SLIT3: variants seen among roughly 807,000 people sequenced by gnomAD.
SLIT3 encodes slit guidance ligand 3, also known as slit homolog 3 protein.
SLIT3 carries 68 observed loss-of-function variants against 184.0 expected under a neutral mutation model. That is an observed-to-expected ratio of 0.37 (90% confidence interval 0.30 to 0.45). SLIT3 has a LOEUF of 0.45. Ranked by LOEUF, SLIT3 falls within the 20% of genes least tolerant of loss-of-function variation. SLIT3 has a pLI of 1.00. For missense variants in SLIT3, 1,707 were observed against 2,026.0 expected, an observed-to-expected ratio of 0.84 and a Z score of 3.02; for synonymous variants, 831 against 828.6, an observed-to-expected ratio of 1.00 and a Z score of -0.05.
intron 1 of SLIT3, among the ~76,000 whole-genome samples, chr5:169,260,349 C>CCGAA (rs1766120321): frequency 6.6e-6 from 1 of 152,110 alleles, no homozygotes; most frequent in Non-Finnish European, 1.5e-5. Flanking sequence ...CGCTTTCCAC[C>CCGAA]TGAATGGGCC....
intron 4 of SLIT3, among the ~76,000 whole-genome samples, chr5:169,130,161 G>A (rs1474858554): frequency 6.6e-6 from 1 of 152,062 alleles, no homozygotes; most frequent in Non-Finnish European, 1.5e-5. Flanking sequence ...TCTTAGTTTT[G>A]ACAAATGTAC....
chr5:168,714,386 T>C (rs1400663333), intron 23 of SLIT3, among the ~76,000 whole-genome samples: 4 of 152,176 alleles, frequency 2.6e-5, no homozygotes, highest in Non-Finnish European at 1.5e-5. Flanking sequence ...AGCTTTAGCA[T>C]TGTGACACCT....
intron 4 of SLIT3, among the ~76,000 whole-genome samples, chr5:168,943,152 G>T (rs1762375801): frequency 6.6e-6 from 1 of 152,108 alleles, no homozygotes; most frequent in African/African-American, 2.4e-5. Flanking sequence ...AGGAGCTGGG[G>T]CACTTATTCT....
chr5:168,861,388 G>A (rs1490743778), intron 5 of SLIT3, among the ~76,000 whole-genome samples: 21 of 150,178 alleles, frequency 1.4e-4, no homozygotes, highest in East Asian at 4.0e-4. Context: ...ATGCGTGTCC[G>A]TCCCCAACCC....
chr5:169,001,948 G>A (rs1156425372), intron 4 of SLIT3, among the ~76,000 whole-genome samples: 3 of 151,934 alleles, frequency 2.0e-5, no homozygotes, highest in Middle Eastern at 3.2e-3. Flanking sequence ...GCAAACGGTA[G>A]GTTTTTAGAG....
rs1021241657 is a variant in SLIT3 at position 168,935,741 on chromosome 5, C to T, written c.414-52405G>A. ...AATGAGCAGGAAGAAAAGAAAGCTT[C>T]AGCACAAATCATGACATTCTGTTCT... On this transcript the variant is annotated intron_variant, in intron 4 of 35. Transcript: ENST00000519560. 3.9e-5 allele frequency among the ~76,000 whole-genome samples: 6 copies of T among 152,174 alleles called. No individual in the cohort carries two copies. In the East Asian group the frequency reaches 1.2e-3, roughly 29 times the overall value.
At chr5:169,107,503 G>C (rs1045103121) in intron 4 of SLIT3, among the ~76,000 whole-genome samples, 17 of 152,212 alleles carry the variant, frequency 1.1e-4, no homozygotes, top group Admixed American at 9.2e-4. Context: ...CTTTGAACAT[G>C]GTGAGCCAAT....
intron 4 of SLIT3, among the ~76,000 whole-genome samples, chr5:169,119,265 A>G (rs974361579): frequency 2.0e-5 from 3 of 152,190 alleles, no homozygotes; most frequent in African/African-American, 7.2e-5. Context: ...AAATCACCCA[A>G]AGGAACAATT....
At chr5:169,014,414 G>C (rs552994902) in intron 4 of SLIT3, among the ~76,000 whole-genome samples, 1 of 152,176 alleles carries the variant, frequency 6.6e-6, no homozygotes, top group African/African-American at 2.4e-5. Context: ...AAGTACTGGT[G>C]GGGGAGAGGA....
chr5:169,078,415 A>G (rs1345309049), intron 4 of SLIT3, among the ~76,000 whole-genome samples: 1 of 152,114 alleles, frequency 6.6e-6, no homozygotes, highest in Non-Finnish European at 1.5e-5. Flanking sequence ...CGATAAAGTG[A>G]AGATTTGTAT....
intron 5 of SLIT3, among the ~76,000 whole-genome samples, chr5:168,874,375 G>A (rs1219636790): frequency 1.3e-5 from 2 of 152,204 alleles, no homozygotes; most frequent in South Asian, 4.1e-4. Context: ...CCCTAAAAAC[G>A]GGAGTCTCTT....
chr5:169,259,352 C>A (rs990335641), intron 1 of SLIT3, among the ~76,000 whole-genome samples: 3 of 152,238 alleles, frequency 2.0e-5, no homozygotes, highest in African/African-American at 7.2e-5. Context: ...AGCCATGGCA[C>A]CTGGCCAAGG....
chr5:169,045,912 AACTG>A (rs558691987), intron 4 of SLIT3, among the ~76,000 whole-genome samples: 34 of 152,262 alleles, frequency 2.2e-4, no homozygotes, highest in Non-Finnish European at 4.7e-4. Flanking sequence ...TAGACGCAGT[AACTG>A]ACTGTGTTTT....
chr5:168,938,840 A>G (rs1762245198), intron 4 of SLIT3, among the ~76,000 whole-genome samples: 1 of 152,148 alleles, frequency 6.6e-6, no homozygotes, highest in Non-Finnish European at 1.5e-5. Flanking sequence ...CATGCTGACC[A>G]GGCAGGTCTC....
At chr5:169,131,798 G>A (rs2668046) in intron 4 of SLIT3, among the ~76,000 whole-genome samples, 47,736 of 152,062 alleles carry the variant, frequency 0.31, 8,223 homozygotes, top group East Asian at 0.47. Context: ...TAAAGCAAAA[G>A]CATGAACTCC....
At chr5:168,798,373 A>G (rs541961450) in intron 9 of SLIT3, among the ~76,000 whole-genome samples, 1 of 151,768 alleles carries the variant, frequency 6.6e-6, no homozygotes, top group Non-Finnish European at 1.5e-5. Context: ...ACAGGCCCAT[A>G]TTACCATGCC....
At chr5:169,100,003 T>A (rs296000) in intron 4 of SLIT3, among the ~76,000 whole-genome samples, 4 of 152,120 alleles carry the variant, frequency 2.6e-5, no homozygotes, top group South Asian at 2.1e-4. Flanking sequence ...GTCAGAGAGA[T>A]GACTGGCCTT....
intron 4 of SLIT3, among the ~76,000 whole-genome samples, chr5:168,909,393 G>T (rs1033177178): frequency 2.6e-5 from 4 of 152,096 alleles, no homozygotes; most frequent in Non-Finnish European, 4.4e-5. Context: ...CATCAATTTA[G>T]GTCCTCTCCC....
At chr5:168,919,177 G>A (rs1027597663) in intron 4 of SLIT3, among the ~76,000 whole-genome samples, 6 of 151,184 alleles carry the variant, frequency 4.0e-5, no homozygotes, top group South Asian at 2.1e-4. Context: ...AGAGAATGGC[G>A]TGAACCCGGG....
Sources: allele counts gnomAD v4.1 joint callset (sites outside exome capture counted in the v4.1 genomes callset), GRCh38; gene constraint gnomAD v4.1.1; transcripts MANE v1.5; gene names NCBI Gene and HGNC (gene_info 2026-07-23, HGNC 2026-07-21).